The following PIKFYVE variants were observed in gnomAD, a reference collection of about 807,000 sequenced individuals.
The protein encoded by PIKFYVE is 1-phosphatidylinositol 3-phosphate 5-kinase.
Under a neutral mutation model 257.9 loss-of-function variants are expected in PIKFYVE, and 122 were observed. That is an observed-to-expected ratio of 0.47 (90% CI 0.41 to 0.55). The LOEUF (loss-of-function observed/expected upper bound fraction) is 0.55. Among genes scored for constraint, PIKFYVE ranks in the 20% least tolerant of loss-of-function variants. PIKFYVE has a pLI of 0.00. For synonymous variants in PIKFYVE, 892 were observed against 868.9 expected (o/e 1.03, Z -0.47); for missense variants, 2,160 against 2,536.6 (o/e 0.85, Z 3.19).
intron 3 of PIKFYVE, among the ~76,000 whole-genome samples, chr2:208,275,091 G>A (rs565433833): frequency 6.6e-6 from 1 of 152,312 alleles, no homozygotes; most frequent in East Asian, 1.9e-4. Context: ...CAGAAGCCTG[G>A]TGTTATTTGG....
chr2:208,323,631 T>A (rs1696570903), intron 17 of PIKFYVE, among the ~76,000 whole-genome samples: 1 of 152,176 alleles, frequency 6.6e-6, no homozygotes, highest in South Asian at 2.1e-4. Context: ...TACCCAGTAA[T>A]GGGATGGCTG....
At chr2:208,351,860 C>A (rs1259229386) in intron 38 of PIKFYVE, among the ~76,000 whole-genome samples, 1 of 152,128 alleles carries the variant, frequency 6.6e-6, no homozygotes, top group Admixed American at 6.6e-5. Context: ...TCCCATGACC[C>A]AAATACCTCT....
At chr2:208,283,316 G>C (rs770667142) in intron 5 of PIKFYVE, among the ~76,000 whole-genome samples, 5 of 152,162 alleles carry the variant, frequency 3.3e-5, no homozygotes, top group African/African-American at 4.8e-5. Context: ...TGGCCTATGA[G>C]TTTTTTGATG....
In PIKFYVE at chr2:208,356,071, GT is replaced by G. The variant is rs886055538; in HGVS notation, c.*772del. On this transcript the variant is annotated 3_prime_UTR_variant, in exon 42 of 42. Transcript: ENST00000264380. The stretch of plus-strand genomic sequence containing the variant: ...TACTTGCATACGCTCATATTCTAGG[GT>G]TTTTTCTCTATTTTTAGGGTATCAT... 6.6e-6 allele frequency: 1 copy of G among 152,128 alleles called. No homozygotes were observed. The highest frequency in any genetic ancestry group is 2.1e-4 in the South Asian group (1 of 4,812). 9.4% of individuals were successfully genotyped at this position (152,128 alleles called of 1,614,324 possible).
In PIKFYVE at chr2:208,304,190, C is replaced by G; in HGVS notation, c.1340C>G (p.Thr447Arg). The stretch of plus-strand genomic sequence containing the variant: ...TTTCAGAGTACAGAATTTTCTGAGA[C>G]GCCTTCTCCCGACAGTGACTCAGTG... Reference protein sequence around the residue: ...RPLQSTEFSETPSPDSDSVNS... With the variant: ...RPLQSTEFSERPSPDSDSVNS... Residue 447 changes from threonine (T) to arginine (R), a missense_variant, in exon 11 of 42, where the codon ACG becomes AGG. Coordinates refer to ENST00000264380, the MANE Select transcript of PIKFYVE (RefSeq NM_015040.4). The G allele has an allele frequency of 1.9e-6, 3 of 1,614,126 alleles. No individual in the cohort carries two copies. The highest frequency in any genetic ancestry group is 1.1e-5 in the South Asian group (1 of 91,084).
At chr2:208,319,479 T>C (rs1186675467) in intron 16 of PIKFYVE, among the ~76,000 whole-genome samples, 3 of 152,208 alleles carry the variant, frequency 2.0e-5, no homozygotes, top group Non-Finnish European at 2.9e-5. Context: ...AAAATTTGTA[T>C]GTGGGTGTGG....
In PIKFYVE at chr2:208,276,593, G is replaced by A. The variant is rs981328583; in HGVS notation, c.323-119G>A. 6.4e-4 allele frequency: 500 copies of A among 786,672 alleles called. 3 individuals are homozygous for A. The highest frequency in any genetic ancestry group is 1.6e-4 in the Non-Finnish European group (68 of 430,458). The allele number at this position is 786,672 out of a possible 1,614,324, so 48.7% of individuals were successfully genotyped here. On this transcript the variant is annotated intron_variant, in intron 3 of 41. Transcript: ENST00000264380. Reference sequence around the variant, plus strand: ...GTTTTAACTCTCAATTCATATAACCGGGTGGGAGAACATAATTATATGCCA... The same window carrying A: ...GTTTTAACTCTCAATTCATATAACCAGGTGGGAGAACATAATTATATGCCA...
chr2:208,317,496 C>T (rs952639315), intron 15 of PIKFYVE, among the ~76,000 whole-genome samples: 3 of 151,882 alleles, frequency 2.0e-5, no homozygotes, highest in Non-Finnish European at 2.9e-5. Flanking sequence ...AATTCTTCTT[C>T]CAGTGAGGCC....
chr2:208,336,139 T>G lies in PIKFYVE; in HGVS notation c.4459T>G (p.Phe1487Val). The change falls in exon 27 of 42, where the codon TTT becomes GTT. Residue 1487 changes from phenylalanine to valine, a missense_variant. This residue lies in a region of PIKFYVE where 699 missense variants were observed against 855.8 expected (regional missense o/e 0.82). Transcript: ENST00000264380. ...TACCCCTCAGCAACTGCAGTCGGTCTTTGAGTCACTCATTGCCAAGAAACA... is the reference window on the plus strand; with the variant it reads ...TACCCCTCAGCAACTGCAGTCGGTCGTTGAGTCACTCATTGCCAAGAAACA... ...VDTPQQLQSVFESLIAKKQSL... is the reference protein window; with the variant it reads ...VDTPQQLQSVVESLIAKKQSL... 6.2e-7 allele frequency: 1 copy of G among 1,614,074 alleles called. No individual in the cohort carries two copies. The highest frequency in any genetic ancestry group is 1.7e-5 in the Admixed American group (1 of 60,024).
Position 208,350,908 on chromosome 2 carries a change from C to T in PIKFYVE, c.5572C>T (p.Arg1858Trp), listed in dbSNP as rs776373808. ...SLSHSSPWQARGGKSGAAFYA... is the reference protein window; with the variant it reads ...SLSHSSPWQAWGGKSGAAFYA... ...CTCCCACTCATCACCCTGGCAGGCCCGGGGAGGCAAATCAGGAGCTGCCTT... is the reference window on the plus strand; with the variant it reads ...CTCCCACTCATCACCCTGGCAGGCCTGGGGAGGCAAATCAGGAGCTGCCTT... The change falls in exon 37 of 42, where the codon CGG becomes TGG. Residue 1858 changes from arginine to tryptophan, a missense_variant. Arg to Trp is a moderately radical substitution (Grantham distance 101). This residue lies in a region of PIKFYVE where 699 missense variants were observed against 855.8 expected (regional missense o/e 0.82). Transcript: ENST00000264380. The T allele has an allele frequency of 4.3e-6, 7 of 1,613,980 alleles. No homozygotes were observed. Among genetic ancestry groups the T allele is most frequent in the South Asian group, 1.1e-5 (1 of 91,078 alleles).
chr2:208,326,616 A>G (rs1696953033), intron 20 of PIKFYVE, among the ~76,000 whole-genome samples, 187 bp downstream of exon 20: 1 of 152,182 alleles, frequency 6.6e-6, no homozygotes, highest in African/African-American at 2.4e-5. Flanking sequence ...TATGAAGCAG[A>G]ATTGTAATGA....
intron 23 of PIKFYVE, 66 bp from the exon 24 acceptor site, chr2:208,333,249 A>G: frequency 6.5e-7 from 1 of 1,544,962 alleles, no homozygotes; most frequent in Non-Finnish European, 8.8e-7. Flanking sequence ...AAAAAAAGAA[A>G]ATGTTATTTT....
In PIKFYVE at chr2:208,328,187, G is replaced by A. The variant is rs1697148100; in HGVS notation, c.3626G>A (p.Cys1209Tyr). ...SDAVWSTKVDCLNPINHQRLC... is the reference protein window; with the variant it reads ...SDAVWSTKVDYLNPINHQRLC... ...TCATTCCTTCTATTTCAGGTGGACT[G>A]TCTGAATCCCATTAATCACCAGAGA... The change falls in exon 21 of 42, where the codon TGT (cysteine) becomes TAT (tyrosine). Residue 1209 changes from cysteine to tyrosine, a missense_variant. Cys to Tyr is a radical substitution (Grantham distance 194). Transcript: ENST00000264380. 6.2e-7 allele frequency: 1 copy of A among 1,613,684 alleles called. No homozygotes were observed. The highest frequency in any genetic ancestry group is 1.3e-5 in the African/African-American group (1 of 74,884).
At chr2:208,342,739 G>A (rs769407861) in intron 32 of PIKFYVE, 90 bp downstream of exon 32, 6 of 1,009,806 alleles carry the variant, frequency 5.9e-6, no homozygotes, top group Non-Finnish European at 9.2e-6. Context: ...TTCACATAAA[G>A]CAAAATGATT....
In PIKFYVE at chr2:208,304,951, A is replaced by T; in HGVS notation, c.1574A>T (p.Asn525Ile). The T allele has an allele frequency of 6.2e-7, 1 of 1,614,126 alleles. No homozygotes were observed. The highest frequency in any genetic ancestry group is 8.5e-7 in the Non-Finnish European group (1 of 1,180,012). ...CTGAACGTGGAGCTGGACAACGTGA[A>T]CTTCCATATCAAGAAGCCCTCCAAG... is the stretch of plus-strand genomic sequence containing the variant. The part of the protein sequence containing the change: ...ISLNVELDNV[N>I]FHIKKPSKYP... Residue 525 changes from asparagine to isoleucine, a missense_variant, in exon 12 of 42, where the codon AAC becomes ATC. Around this residue, in one of 12 missense-constraint regions of PIKFYVE, gnomAD observed 346 missense variants for 365.6 expected, o/e 0.95. Coordinates refer to ENST00000264380, the MANE Select transcript of PIKFYVE (RefSeq NM_015040.4).
At chr2:208,305,243 C>T in intron 12 of PIKFYVE, 1 of 1,399,712 alleles carries the variant, frequency 7.1e-7, no homozygotes, top group Non-Finnish European at 9.3e-7. Context: ...CAGTGTAAAG[C>T]TTGTAGTCTT....
chr2:208,296,037 C>G (rs960617201), intron 7 of PIKFYVE, among the ~76,000 whole-genome samples: 2 of 151,770 alleles, frequency 1.3e-5, no homozygotes, highest in Non-Finnish European at 2.9e-5. Flanking sequence ...GACAGTCTCG[C>G]TTTGTTGCCC....
At chr2:208,305,078 C>A (rs1033950559) in intron 12 of PIKFYVE, 65 bp downstream of exon 12, 2 of 1,604,844 alleles carry the variant, frequency 1.2e-6, no homozygotes, top group South Asian at 1.1e-5. Context: ...GGATCTCATG[C>A]CAGCCTGTCC....
At chr2:208,283,176 A>G (rs1691065441) in intron 5 of PIKFYVE, among the ~76,000 whole-genome samples, 1 of 152,224 alleles carries the variant, frequency 6.6e-6, no homozygotes, top group East Asian at 1.9e-4. Flanking sequence ...CTGAATAAAT[A>G]CAAATAACTA....
Sources: allele counts gnomAD v4.1 joint callset (sites outside exome capture counted in the v4.1 genomes callset), GRCh38; gene constraint gnomAD v4.1.1; regional missense constraint gnomAD v4.1.1; transcripts MANE v1.5; gene names NCBI Gene and HGNC (gene_info 2026-07-23, HGNC 2026-07-21).